Variants in DPH6 observed in about 807,000 individuals in gnomAD.
DPH6 encodes the protein diphthine--ammonia ligase.
Under a neutral mutation model 38.2 loss-of-function variants are expected in DPH6, and 33 were observed. The observed-to-expected ratio is 0.86, with a 90% CI of 0.65 to 1.15. The LOEUF (loss-of-function observed/expected upper bound fraction) is 1.15. Ranked by LOEUF, DPH6 falls within the 50% of genes most tolerant of loss-of-function variation. The pLI is 0.00. For missense variants in DPH6, 325 were observed against 320.0 expected (o/e 1.02, Z -0.12); for synonymous variants, 108 against 103.0 (o/e 1.05, Z -0.30).
intron 3 of DPH6, chr15:35,298,392 C>T (rs150939958): frequency 2.5e-5 from 18 of 715,592 alleles, no homozygotes; most frequent in African/African-American, 2.3e-4. Context: ...TAAAAATATC[C>T]GTACTGCTTC....
At chr15:35,298,800 G>T in intron 3 of DPH6, 2 of 1,176,382 alleles carry the variant, frequency 1.7e-6, no homozygotes, top group Non-Finnish European at 2.6e-6. Flanking sequence ...ATCTCGGTCT[G>T]TCTTGTTCCT....
At chr15:35,382,450 AACACAC>A (rs56269036) in intron 6 of DPH6, among the ~76,000 whole-genome samples, 8 of 150,352 alleles carry the variant, frequency 5.3e-5, no homozygotes, top group Admixed American at 2.6e-4. Flanking sequence ...CGAAAAACAA[AACACAC>A]ACACACACAC....
chr15:35,399,467 G>A (rs554293207), intron 6 of DPH6, among the ~76,000 whole-genome samples: 2 of 152,106 alleles, frequency 1.3e-5, no homozygotes, highest in Non-Finnish European at 2.9e-5. Flanking sequence ...AAAGTCAGAG[G>A]GGAGGTACAC....
In DPH6 at chr15:35,542,960, ATATAT is replaced by A. The variant is rs1173164177; in HGVS notation, c.24-458_24-454del. Among the ~76,000 whole-genome samples the A allele has an allele frequency of 4.0e-4, 49 of 121,954 alleles. 3 individuals are homozygous for A. Among genetic ancestry groups the A allele is most frequent in the Non-Finnish European group, 8.1e-4 (47 of 58,100 alleles). 80.0% of individuals were successfully genotyped at this position (121,954 alleles called of 152,430 possible). ...CCACTTAAGGAATATATATATATAT[ATATAT>A]AAAATAATTTCATAGAAATTATTGG... On this transcript the variant is annotated intron_variant, in intron 1 of 8. Transcript: ENST00000256538.
the DPH6 span, among the ~76,000 whole-genome samples, chr15:35,211,473 A>G: frequency 1.2e-4 from 18 of 152,190 alleles, no homozygotes; most frequent in Non-Finnish European, 2.6e-4. Flanking sequence ...TTTGGCACAC[A>G]AGTTCTAAGA....
chr15:35,277,972 T>C (rs151290421), intron 3 of DPH6, among the ~76,000 whole-genome samples: 76 of 152,216 alleles, frequency 5.0e-4, no homozygotes, highest in African/African-American at 1.8e-3. Flanking sequence ...AGCATAAAAG[T>C]TTGACAAATT....
intron 3 of DPH6, among the ~76,000 whole-genome samples, chr15:35,263,057 G>GA (rs1727887303): frequency 1.3e-5 from 2 of 151,994 alleles, no homozygotes; most frequent in African/African-American, 2.4e-5. Flanking sequence ...ACACCATGAA[G>GA]AAAAAAATAC....
chr15:35,210,946 C>CTTTTTT, the DPH6 span, among the ~76,000 whole-genome samples: 9 of 61,570 alleles, frequency 1.5e-4, no homozygotes, highest in Non-Finnish European at 2.3e-4. Flanking sequence ...AGATAGATCA[C>CTTTTTT]TTTTTTTTTT....
At chr15:35,359,578 T>C (rs182079730) in intron 3 of DPH6, among the ~76,000 whole-genome samples, 82 of 152,320 alleles carry the variant, frequency 5.4e-4, no homozygotes, top group African/African-American at 1.9e-3. Flanking sequence ...GTATTTTGCT[T>C]GGCTCTCCAA....
Position 35,312,217 on chromosome 15 carries a change from A to G in DPH6, n.200+61304T>C, listed in dbSNP as rs146120298. The stretch of plus-strand genomic sequence containing the variant: ...ACAATAAAGCATGCATTTCCAAAAG[A>G]TAAATGAGCTGAAGAATAAGAAATT... On this transcript the variant is annotated intron_variant and non_coding_transcript_variant, in intron 3 of 3. Transcript: ENST00000560386. Among the ~76,000 whole-genome samples the G allele has an allele frequency of 6.4e-4, 98 of 152,336 alleles. 1 individual carries two copies. The highest frequency in any genetic ancestry group is 2.1e-3 in the African/African-American group (89 of 41,568).
At chr15:35,450,854 C>G (rs756171501) in intron 4 of DPH6, 51 bp from the exon 5 acceptor site, 1 of 1,373,906 alleles carries the variant, frequency 7.3e-7, no homozygotes, top group South Asian at 1.3e-5. Context: ...ATGTTTTATA[C>G]TTGGATCCAC....
chr15:35,456,457 C>CTATA (rs34469895), intron 3 of DPH6, among the ~76,000 whole-genome samples: 6,093 of 144,010 alleles, frequency 0.042, 327 homozygotes, highest in African/African-American at 0.13. Context: ...AGTCAAATTA[C>CTATA]TATATATATA....
chr15:35,545,970 A>C, intron 1 of DPH6, 149 bp downstream of exon 1: 1 of 705,716 alleles, frequency 1.4e-6, no homozygotes, highest in South Asian at 6.7e-5. Context: ...GCAACAGCGA[A>C]GGCTCCGCCT....
chr15:35,425,754 C>T (rs1465745584), intron 5 of DPH6, among the ~76,000 whole-genome samples: 1 of 146,790 alleles, frequency 6.8e-6, no homozygotes, highest in Non-Finnish European at 1.5e-5. Context: ...CAATCTATTC[C>T]AAAATTCAAG....
intron 3 of DPH6, among the ~76,000 whole-genome samples, chr15:35,246,112 T>C (rs188835): frequency 0.55 from 83,844 of 151,966 alleles, 26,702 homozygotes; most frequent in Non-Finnish European, 0.73. Flanking sequence ...TTCCTTTACC[T>C]ACCCAAATCC....
Position 35,538,483 on chromosome 15 carries a change from T to G in DPH6, c.119-16A>C. 2 of 1,471,252 alleles carry G rather than the reference T, an allele frequency of 1.4e-6. No individual in the cohort carries two copies. Among genetic ancestry groups the G allele is most frequent in the Non-Finnish European group, 1.8e-6 (2 of 1,091,286 alleles). The allele number at this position is 1,471,252 out of a possible 1,614,324, so 91.1% of individuals were successfully genotyped here. Reference sequence around the variant, plus strand: ...TCAGACCCCACTGCAACAATTAAAATGGAAATAATTAGCAAAAGAGAGTGA... The same window carrying G: ...TCAGACCCCACTGCAACAATTAAAAGGGAAATAATTAGCAAAAGAGAGTGA... On this transcript the variant is annotated splice_polypyrimidine_tract_variant and intron_variant, in intron 2 of 8. Transcript: ENST00000256538.
chr15:35,343,062 T>C (rs2052434658), intron 3 of DPH6, among the ~76,000 whole-genome samples: 1 of 152,224 alleles, frequency 6.6e-6, no homozygotes, highest in Non-Finnish European at 1.5e-5. Context: ...GAACTCTATT[T>C]CTTTTTGAAT....
At chr15:35,483,075 G>T (rs896724162) in intron 3 of DPH6, among the ~76,000 whole-genome samples, 1 of 151,980 alleles carries the variant, frequency 6.6e-6, no homozygotes, top group Non-Finnish European at 1.5e-5. Context: ...ATGAGCAAAA[G>T]ATTTCACTAG....
intron 3 of DPH6, among the ~76,000 whole-genome samples, chr15:35,360,599 C>A (rs932006192): frequency 1.3e-5 from 2 of 152,170 alleles, no homozygotes; most frequent in Non-Finnish European, 2.9e-5. Flanking sequence ...GCACTGCCCC[C>A]AGGCCATAGC....
Sources: gnomAD v4.1 joint callset for allele counts (sites outside exome capture counted in the v4.1 genomes callset) on GRCh38, gnomAD v4.1.1 for gene constraint, MANE v1.5 for transcripts, NCBI Gene and HGNC (gene_info 2026-07-23, HGNC 2026-07-21) for gene names.